Variants in NTM observed in about 807,000 individuals in gnomAD.
NTM encodes IgLON family member 2.
In NTM, 13 loss-of-function variants were observed where a neutral mutation model predicts 42.1. That is an observed-to-expected ratio of 0.31 (90% confidence interval 0.20 to 0.49). The LOEUF is 0.49. Among genes scored for constraint, NTM ranks in the 20% least tolerant of loss-of-function variants. NTM has a pLI of 0.99. For missense variants in NTM, 373 were observed against 452.8 expected, an observed-to-expected ratio of 0.82 and a Z score of 1.60; for synonymous variants, 187 against 179.2, an observed-to-expected ratio of 1.04 and a Z score of -0.35.
At chr11:131,776,599 A>G (rs1221116886) in intron 1 of NTM, among the ~76,000 whole-genome samples, 1 of 151,460 alleles carries the variant, frequency 6.6e-6, no homozygotes, top group South Asian at 2.1e-4. Flanking sequence ...TTTTTTTGTC[A>G]GCATCTACTT....
chr11:131,902,291 C>T (rs191393298), intron 1 of NTM, among the ~76,000 whole-genome samples: 1 of 152,256 alleles, frequency 6.6e-6, no homozygotes, highest in Admixed American at 6.5e-5. Flanking sequence ...CAAATTCAAG[C>T]CTTCCACAAA....
At chr11:132,100,487 T>C (rs1411475332) in intron 2 of NTM, among the ~76,000 whole-genome samples, 1 of 152,204 alleles carries the variant, frequency 6.6e-6, no homozygotes, top group African/African-American at 2.4e-5. Flanking sequence ...CACTAGCACA[T>C]GCTTCTGTGA....
intron 1 of NTM, among the ~76,000 whole-genome samples, chr11:131,864,088 G>C (rs1204603833): frequency 1.3e-5 from 2 of 152,174 alleles, no homozygotes; most frequent in Non-Finnish European, 2.9e-5. Flanking sequence ...AGAGAAGTGA[G>C]AGGCAGGGAG....
At chr11:132,224,288 G>T (rs2085741685) in intron 4 of NTM, among the ~76,000 whole-genome samples, 1 of 152,162 alleles carries the variant, frequency 6.6e-6, no homozygotes, top group African/African-American at 2.4e-5. Flanking sequence ...GGAGCACTCT[G>T]CCTGAAGGCT....
At chr11:131,881,510 C>CACACACACA (rs67919649) in intron 1 of NTM, among the ~76,000 whole-genome samples, 5,566 of 145,164 alleles carry the variant, frequency 0.038, 143 homozygotes, top group East Asian at 0.096. Context: ...ACACACACAC[C>CACACACACA]CCCCAAAGCT....
chr11:131,957,883 A>G (rs570240204), intron 2 of NTM, among the ~76,000 whole-genome samples: 1 of 151,644 alleles, frequency 6.6e-6, no homozygotes, highest in East Asian at 2.0e-4. Flanking sequence ...TGTGTGTATT[A>G]TATATATTAA....
chr11:132,223,464 G>T (rs1418214703), intron 4 of NTM, among the ~76,000 whole-genome samples: 1 of 152,236 alleles, frequency 6.6e-6, no homozygotes, highest in South Asian at 2.1e-4. Context: ...TCCTGGCAGG[G>T]TTCACAGTGA....
At chr11:131,568,984 T>C (rs550043265) in intron 1 of NTM, among the ~76,000 whole-genome samples, 1 of 152,306 alleles carries the variant, frequency 6.6e-6, no homozygotes, top group Admixed American at 6.5e-5. Flanking sequence ...AGTATATCCA[T>C]AGAATTTTGC....
At position 132,146,706 on chromosome 11, in the gene NTM, G is replaced by A; in HGVS notation, c.400+192G>A. The A allele has an allele frequency of 4.1e-6, 2 of 493,190 alleles. No individual in the cohort carries two copies. The highest frequency in any genetic ancestry group is 7.0e-6 in the Non-Finnish European group (2 of 285,994). The allele number at this position is 493,190 out of a possible 1,614,324, so 30.6% of individuals were successfully genotyped here. ...CAGTCATTTTCATTGAGTGGAACTA[G>A]GAATTGTTTTTTTCATTTTTGTTCC... On this transcript the variant is annotated intron_variant, in intron 3 of 8. Transcript: ENST00000683400. This position sits in a 1 kb window ranked among gnomAD's most constrained non-coding sequence, Gnocchi z 4.5.
At chr11:131,461,312 A>G (rs1951355499) in intron 1 of NTM, among the ~76,000 whole-genome samples, 1 of 152,240 alleles carries the variant, frequency 6.6e-6, no homozygotes, top group Non-Finnish European at 1.5e-5. Flanking sequence ...ATAGAGATAC[A>G]GAAATCTCAG....
At chr11:131,672,462 C>T (rs779023857) in intron 1 of NTM, among the ~76,000 whole-genome samples, 1 of 152,210 alleles carries the variant, frequency 6.6e-6, no homozygotes, top group Non-Finnish European at 1.5e-5. Context: ...GAGGAAACCG[C>T]ATCAGACACC....
intron 4 of NTM, among the ~76,000 whole-genome samples, chr11:132,226,224 C>G (rs1296991179): frequency 1.3e-5 from 2 of 152,164 alleles, no homozygotes; most frequent in African/African-American, 2.4e-5. Context: ...TGAGCATATA[C>G]CCAGTAATGG....
intron 2 of NTM, among the ~76,000 whole-genome samples, chr11:132,124,862 G>A (rs189112385): frequency 1.1e-4 from 16 of 152,284 alleles, no homozygotes; most frequent in African/African-American, 3.6e-4. Flanking sequence ...TGCTCCTGGT[G>A]GTCCTAGCTT....
chr11:132,113,346 A>G (rs2063476447), intron 2 of NTM, among the ~76,000 whole-genome samples: 1 of 152,216 alleles, frequency 6.6e-6, no homozygotes, highest in Admixed American at 6.5e-5. Context: ...TAGTATTTTC[A>G]TCCAGAGATC....
Position 132,305,341 on chromosome 11 carries a change from G to A in NTM, c.527-2348G>A, listed in dbSNP as rs543898344. On this transcript the variant is annotated intron_variant, in intron 4 of 8. Coordinates refer to ENST00000683400, the MANE Select transcript of NTM (RefSeq NM_001352005.2). ...TGATGTAATACACAGCTTCACAGGAGACCTGAGGTCCTATCAGTCCCTGCT... is the reference window on the plus strand; with the variant it reads ...TGATGTAATACACAGCTTCACAGGAAACCTGAGGTCCTATCAGTCCCTGCT... Among the ~76,000 whole-genome samples, 3 of 152,230 alleles carry A rather than the reference G, an allele frequency of 2.0e-5. 1 individual carries two copies. The highest frequency in any genetic ancestry group is 7.2e-5 in the African/African-American group (3 of 41,456).
chr11:131,874,234 A>C (rs2048274191), intron 1 of NTM, among the ~76,000 whole-genome samples: 1 of 151,156 alleles, frequency 6.6e-6, no homozygotes, highest in East Asian at 1.9e-4. Context: ...AAATGGGATG[A>C]GTCATTTTGA....
intron 1 of NTM, among the ~76,000 whole-genome samples, chr11:131,704,424 C>T (rs1216680618): frequency 1.3e-5 from 2 of 152,234 alleles, no homozygotes; most frequent in African/African-American, 4.8e-5. Flanking sequence ...AATAGCAAGC[C>T]TCACTATGGA....
At chr11:132,136,116 G>T (rs12577728) in intron 2 of NTM, among the ~76,000 whole-genome samples, 10,996 of 152,208 alleles carry the variant, frequency 0.072, 447 homozygotes, top group Middle Eastern at 0.12. Context: ...GCTTCTGTGG[G>T]CTCTACAGGA....
At chr11:132,046,237 A>G (rs989652142) in intron 2 of NTM, among the ~76,000 whole-genome samples, 26 of 152,326 alleles carry the variant, frequency 1.7e-4, no homozygotes, top group African/African-American at 5.5e-4. Context: ...TAATGCTGAC[A>G]GTTCATGCTA....
Sources: allele counts gnomAD v4.1 joint callset (sites outside exome capture counted in the v4.1 genomes callset), GRCh38; gene constraint gnomAD v4.1.1; non-coding constraint Gnocchi (gnomAD v3.1); transcripts MANE v1.5; gene names NCBI Gene and HGNC (gene_info 2026-07-23, HGNC 2026-07-21).